The following ATXN1 variants were observed in gnomAD, a reference collection of about 807,000 sequenced individuals.
ATXN1 encodes ataxin 1.
ATXN1 carries 8 observed loss-of-function variants against 56.4 expected under a neutral mutation model. The ratio of observed to expected loss-of-function variants is 0.14; its 90% confidence interval spans 0.08 to 0.26. ATXN1 has a LOEUF of 0.26. ATXN1 is among the 10% of genes least tolerant of loss of function. The pLI is 1.00. For synonymous variants in ATXN1, 514 were observed against 494.6 expected, an observed-to-expected ratio of 1.04 and a Z score of -0.52; for missense variants, 987 against 1,106.5, an observed-to-expected ratio of 0.89 and a Z score of 1.53.
chr6:16,520,303 A>T (rs1356775151), intron 5 of ATXN1, among the ~76,000 whole-genome samples: 2 of 152,174 alleles, frequency 1.3e-5, no homozygotes, highest in African/African-American at 4.8e-5. Flanking sequence ...GGAGAAAAAT[A>T]CTCATGGCTT....
intron 1 of ATXN1, among the ~76,000 whole-genome samples, chr6:16,759,299 T>C (rs183173358): frequency 6.6e-6 from 1 of 152,364 alleles, no homozygotes; most frequent in Admixed American, 6.5e-5. Context: ...CACGACAGGA[T>C]GTGCAGGGAG....
chr6:16,523,461 T>C (rs1207723064), intron 4 of ATXN1, among the ~76,000 whole-genome samples: 1 of 152,202 alleles, frequency 6.6e-6, no homozygotes, highest in Non-Finnish European at 1.5e-5. Flanking sequence ...AACTCCTGCC[T>C]TAGCCGCCAA....
Position 16,327,460 on chromosome 6 carries a change from C to T in ATXN1, c.851G>A (p.Gly284Glu), listed in dbSNP as rs1198894648. The change falls in exon 7 of 8, where the codon GGG (glycine) becomes GAG (glutamate). Residue 284 changes from glycine to glutamate, a missense_variant. Physicochemically the swap from Gly to Glu is moderately conservative, Grantham distance 98 (BLOSUM62 -2). Around this residue, in one of 3 missense-constraint regions of ATXN1, gnomAD observed 723 missense variants for 791.7 expected, o/e 0.91. Coordinates refer to ENST00000436367, the MANE Select transcript of ATXN1 (RefSeq NM_001128164.2). ...QTMIPHTLTL[G>E]PPSQVVMQYA... ...TTGCATGACGACCTGGGAGGGGGGC[C>T]CCAGGGTGAGCGTGTGTGGGATCAT... 6.2e-6 allele frequency: 10 copies of T among 1,613,358 alleles called. No homozygotes were observed. The Admixed American group carries it at 8.3e-5, about 13-fold the overall frequency.
rs1391717401 is a variant in ATXN1, at chr6:16,328,092, C to T, written c.219G>A (p.Gln73=). The part of the protein sequence containing the change: ...AGTSVELGLQ[Q]GIGLHKALST... Reference sequence around the variant, plus strand: ...ACAATGCTTTGTGTAAACCTATTCCCTGTTGTAAACCAAGCTCCACCGAGG... The same window carrying T: ...ACAATGCTTTGTGTAAACCTATTCCTTGTTGTAAACCAAGCTCCACCGAGG... The change falls in exon 7 of 8, where the codon CAG becomes CAA. Residue 73 remains glutamine (Q), a synonymous_variant. Transcript: ENST00000436367. This position sits in a 1 kb window ranked among gnomAD's most constrained non-coding sequence, Gnocchi z 6.2. The T allele has an allele frequency of 6.2e-7, 1 of 1,604,106 alleles. No homozygotes were observed. The highest frequency in any genetic ancestry group is 8.5e-7 in the Non-Finnish European group (1 of 1,172,580).
chr6:16,428,118 C>CT (rs10650162), intron 6 of ATXN1, among the ~76,000 whole-genome samples: 27,398 of 133,402 alleles, frequency 0.21, 3,189 homozygotes, highest in Middle Eastern at 0.23. Flanking sequence ...TAGACCAGGC[C>CT]TTTTTTTTTT....
rs201126960 is a variant in ATXN1 at position 16,323,933 on chromosome 6, C to CT, written c.1917+2460dup. ...CATTTATTTTAAAAATCCTGATTTT[C>CT]TTTTTTTTTTAAATAAGATCTTTGG... On this transcript the variant is annotated intron_variant, in intron 7 of 7. Coordinates refer to ENST00000436367, the MANE Select transcript of ATXN1 (RefSeq NM_001128164.2). Among the ~76,000 whole-genome samples the CT allele has an allele frequency of 2.2e-3, 330 of 149,446 alleles. 1 individual carries two copies. Among genetic ancestry groups the CT allele is most frequent in the African/African-American group, 7.9e-3 (320 of 40,736 alleles).
chr6:16,564,357 T>A (rs1561757101), intron 4 of ATXN1, among the ~76,000 whole-genome samples: 1 of 151,896 alleles, frequency 6.6e-6, no homozygotes, highest in Admixed American at 6.6e-5. Flanking sequence ...TACCTAAAAG[T>A]AGGCTGCACA....
At chr6:16,452,474 G>A (rs1298355755) in intron 6 of ATXN1, among the ~76,000 whole-genome samples, 2 of 152,184 alleles carry the variant, frequency 1.3e-5, no homozygotes, top group Non-Finnish European at 2.9e-5. Context: ...AGTCTTCAGA[G>A]GAAAAACTGA....
chr6:16,609,208 G>A (rs1257103535), intron 3 of ATXN1, among the ~76,000 whole-genome samples: 2 of 152,182 alleles, frequency 1.3e-5, no homozygotes, highest in East Asian at 3.9e-4. Flanking sequence ...TGGACTGAAC[G>A]CTGGAGGTGA....
At chr6:16,545,977 G>T (rs954409601) in intron 4 of ATXN1, among the ~76,000 whole-genome samples, 7 of 152,202 alleles carry the variant, frequency 4.6e-5, no homozygotes, top group Admixed American at 4.6e-4. Context: ...AAAATGGGGA[G>T]GGTGTCGGAA....
chr6:16,491,090 ATTTTTTTT>A (rs35884389), intron 5 of ATXN1, among the ~76,000 whole-genome samples: 1 of 78,314 alleles, frequency 1.3e-5, no homozygotes, highest in South Asian at 5.5e-4. Flanking sequence ...GGATCCCTGG[ATTTTTTTT>A]TTTTTTTTTT....
chr6:16,424,625 G>A (rs1004056048), intron 6 of ATXN1, among the ~76,000 whole-genome samples: 1 of 152,210 alleles, frequency 6.6e-6, no homozygotes, highest in African/African-American at 2.4e-5. Flanking sequence ...TGTCTGCCCT[G>A]CTACTCAGAA....
At chr6:16,735,241 T>C (rs1434723500) in intron 2 of ATXN1, among the ~76,000 whole-genome samples, 2 of 152,126 alleles carry the variant, frequency 1.3e-5, no homozygotes, top group African/African-American at 2.4e-5. Context: ...ACTGTGAGGA[T>C]TAAGTGATTA....
At chr6:16,487,307 G>A (rs1393587011) in intron 5 of ATXN1, among the ~76,000 whole-genome samples, 1 of 151,994 alleles carries the variant, frequency 6.6e-6, no homozygotes, top group South Asian at 2.1e-4. Flanking sequence ...AGCATTGTGG[G>A]TGTCATTAAT....
intron 3 of ATXN1, among the ~76,000 whole-genome samples, chr6:16,621,367 T>C (rs1427989499): frequency 6.6e-6 from 1 of 152,186 alleles, no homozygotes; most frequent in Non-Finnish European, 1.5e-5. Context: ...AGTCTTTGTA[T>C]ATGCAAAACA....
rs1288388718 is a variant in ATXN1, at chr6:16,686,632, A to T, written c.-614-28731T>A. Among the ~76,000 whole-genome samples, 9 of 152,358 alleles carry T rather than the reference A, an allele frequency of 5.9e-5. No homozygotes were observed. In the South Asian group the frequency reaches 1.2e-3, roughly 21 times the overall value. ...CTAGGCTAGAAACAGAAAAGATTAA[A>T]TAACATATTCATATGGGAAGTCAAT... is the stretch of plus-strand genomic sequence containing the variant. On this transcript the variant is annotated intron_variant, in intron 2 of 7. Coordinates refer to ENST00000436367, the MANE Select transcript of ATXN1 (RefSeq NM_001128164.2).
chr6:16,682,725 G>A (rs938664990), intron 2 of ATXN1, among the ~76,000 whole-genome samples: 3 of 152,110 alleles, frequency 2.0e-5, no homozygotes, highest in African/African-American at 4.8e-5. Context: ...CCTCCCAGCA[G>A]GAAAACAAGA....
chr6:16,737,110 G>C (rs913393065), intron 2 of ATXN1: 1 of 152,178 alleles, frequency 6.6e-6, no homozygotes. Context: ...ACACAAAAGA[G>C]AGCAAAGCTG....
In ATXN1 at chr6:16,328,393, G is replaced by T. The variant is rs1236195924; in HGVS notation, c.-83C>A. The T allele has an allele frequency of 7.1e-7, 1 of 1,410,096 alleles. No homozygotes were observed. Among genetic ancestry groups the T allele is most frequent in the African/African-American group, 1.4e-5 (1 of 70,248 alleles). The allele number at this position is 1,410,096 out of a possible 1,614,324, so 87.3% of individuals were successfully genotyped here. The stretch of plus-strand genomic sequence containing the variant: ...GTCTGATAAACGGAAAGTCACATTT[G>T]ATTTCTGTAGGGGATCCAGGCTCTT... On this transcript the variant is annotated 5_prime_UTR_variant, in exon 7 of 8. It introduces an in-frame stop codon into an upstream open reading frame of the 5' UTR. Coordinates refer to ENST00000436367, the MANE Select transcript of ATXN1 (RefSeq NM_001128164.2). The surrounding 1 kb of genome is among the most constrained non-coding windows in gnomAD (Gnocchi z 6.2).
Sources: gnomAD v4.1 joint callset for allele counts (sites outside exome capture counted in the v4.1 genomes callset) on GRCh38, gnomAD v4.1.1 for gene constraint, gnomAD v4.1.1 regional missense constraint, Gnocchi (gnomAD v3.1) non-coding constraint, MANE v1.5 for transcripts, NCBI Gene and HGNC (gene_info 2026-07-23, HGNC 2026-07-21) for gene names.